AFF2: variants seen among roughly 807,000 people sequenced by gnomAD.
AFF2 encodes the protein ALF transcription elongation factor 2, also known as AF4/FMR2 family member 2.
In AFF2, 14 loss-of-function variants were observed where a neutral mutation model predicts 76.9. That is an observed-to-expected ratio of 0.18 (90% CI 0.12 to 0.28). AFF2 has a LOEUF of 0.28. AFF2 is among the 10% of genes least tolerant of loss of function. AFF2 has a pLI of 1.00. For synonymous variants in AFF2, 398 were observed against 366.7 expected, an observed-to-expected ratio of 1.09 and a Z score of -0.98; for missense variants, 868 against 1,001.1, an observed-to-expected ratio of 0.87 and a Z score of 1.79.
At chrX:148,849,004 C>T (rs1264297523) in intron 7 of AFF2, among the ~76,000 whole-genome samples, 1 of 111,330 alleles carries the variant, frequency 9.0e-6, no homozygotes, top group Non-Finnish European at 1.9e-5. Context: ...AATGAATCAG[C>T]GTGTGGTCCT....
intron 1 of AFF2, among the ~76,000 whole-genome samples, chrX:148,578,054 T>G (rs1356891535): frequency 2.7e-5 from 3 of 112,773 alleles, no homozygotes; most frequent in African/African-American, 9.7e-5. Context: ...TATTTGGTCA[T>G]GTGTTACACT....
At chrX:148,554,855 G>A (rs1557239459) in intron 1 of AFF2, among the ~76,000 whole-genome samples, 1 of 112,411 alleles carries the variant, frequency 8.9e-6, no homozygotes, top group Non-Finnish European at 1.9e-5. Flanking sequence ...ATGGCTGGAT[G>A]GGAGAATGGA....
chrX:148,794,602 C>T (rs1429558202), intron 3 of AFF2, among the ~76,000 whole-genome samples: 1 of 111,902 alleles, frequency 8.9e-6, no homozygotes, highest in African/African-American at 3.2e-5. Flanking sequence ...ATTGTAGAGG[C>T]AACATTCTCT....
At chrX:148,985,099 T>C (rs2072447584) in intron 19 of AFF2, among the ~76,000 whole-genome samples, 1 of 109,476 alleles carries the variant, frequency 9.1e-6, no homozygotes. Flanking sequence ...ATTCTCCTGC[T>C]TCAGCCTCCC....
chrX:148,791,310 A>T (rs2069891241), intron 3 of AFF2, among the ~76,000 whole-genome samples: 1 of 112,051 alleles, frequency 8.9e-6, no homozygotes, highest in Admixed American at 9.5e-5. Context: ...CACATCTAAC[A>T]TGGTGGCAGG....
chrX:148,644,809 G>T (rs2054128340), intron 1 of AFF2, among the ~76,000 whole-genome samples: 2 of 111,564 alleles, frequency 1.8e-5, no homozygotes, highest in Non-Finnish European at 3.8e-5. Context: ...ATAAAGACCA[G>T]GAGTTATTTT....
At chrX:148,503,755 G>T (rs1557232162) in intron 1 of AFF2, among the ~76,000 whole-genome samples, 1 of 112,339 alleles carries the variant, frequency 8.9e-6, no homozygotes, top group Admixed American at 9.4e-5. Context: ...GGGTACTAAT[G>T]ATGCTGCAGT....
intron 3 of AFF2, among the ~76,000 whole-genome samples, chrX:148,722,810 C>T (rs2055109554): frequency 1.8e-5 from 2 of 111,095 alleles, no homozygotes; most frequent in Admixed American, 1.9e-4. Context: ...ATCTCAACTG[C>T]CCCAATGTGT....
intron 1 of AFF2, among the ~76,000 whole-genome samples, chrX:148,627,798 G>GA (rs199838373): frequency 0.18 from 20,401 of 110,685 alleles, 1,406 homozygotes; most frequent in Non-Finnish European, 0.2. Context: ...GCAAGTTTGA[G>GA]AAAAAAATTG....
At chrX:148,528,540 G>C (rs924092818) in intron 1 of AFF2, among the ~76,000 whole-genome samples, 1 of 111,279 alleles carries the variant, frequency 9.0e-6, no homozygotes, top group African/African-American at 3.3e-5. Context: ...TCTCTTGAAA[G>C]GCAGAGTGGA....
chrX:148,725,007 C>G (rs1557264123), intron 3 of AFF2, among the ~76,000 whole-genome samples: 1 of 110,886 alleles, frequency 9.0e-6, no homozygotes, highest in Non-Finnish European at 1.9e-5. Context: ...TTTTGTGAAG[C>G]AGGCAAGCAT....
At chrX:148,852,679 A>T (rs925247726) in intron 7 of AFF2, among the ~76,000 whole-genome samples, 1 of 111,369 alleles carries the variant, frequency 9.0e-6, no homozygotes, top group Non-Finnish European at 1.9e-5. Context: ...ACCTGGCACC[A>T]TGAAATATTT....
intron 4 of AFF2, among the ~76,000 whole-genome samples, chrX:148,813,226 C>A (rs1557271924): frequency 9.0e-6 from 1 of 111,496 alleles, no homozygotes; most frequent in East Asian, 2.8e-4. Context: ...GGTATCTGGC[C>A]TTTGTTTTCT....
intron 2 of AFF2, among the ~76,000 whole-genome samples, chrX:148,657,801 G>A (rs1002145644): frequency 3.6e-4 from 40 of 112,087 alleles, no homozygotes; most frequent in African/African-American, 1.3e-3. Flanking sequence ...GATTGAAATG[G>A]CTGAATTTCA....
At chrX:148,514,540 G>A (rs1395280743) in intron 1 of AFF2, among the ~76,000 whole-genome samples, 3 of 112,630 alleles carry the variant, frequency 2.7e-5, no homozygotes, top group African/African-American at 3.2e-5. Context: ...GGTGTTGACC[G>A]TTGGAGGCAA....
intron 1 of AFF2, among the ~76,000 whole-genome samples, chrX:148,572,455 C>G (rs781862265): frequency 8.9e-6 from 1 of 111,906 alleles, no homozygotes; most frequent in Non-Finnish European, 1.9e-5. Flanking sequence ...AAAACTTGTA[C>G]TGGAGTGTTC....
chrX:148,738,541 C>G (rs1267831944), intron 3 of AFF2, among the ~76,000 whole-genome samples: 1 of 111,479 alleles, frequency 9.0e-6, no homozygotes, highest in Non-Finnish European at 1.9e-5. Context: ...AATGGTCTAT[C>G]AAGTTTATTT....
chrX:148,563,748 A>T (rs967419852), intron 1 of AFF2, among the ~76,000 whole-genome samples: 1 of 112,183 alleles, frequency 8.9e-6, no homozygotes, highest in South Asian at 3.7e-4. Flanking sequence ...TTACTAGCAG[A>T]TTCACACATT....
intron 1 of AFF2, among the ~76,000 whole-genome samples, chrX:148,618,543 T>C (rs2053836018): frequency 9.0e-6 from 1 of 111,463 alleles, no homozygotes; most frequent in Non-Finnish European, 1.9e-5. Flanking sequence ...ATTATTATAA[T>C]TGAAGGTGAG....
Sources: allele counts gnomAD v4.1 joint callset (sites outside exome capture counted in the v4.1 genomes callset), GRCh38; gene constraint gnomAD v4.1.1; transcripts MANE v1.5; gene names NCBI Gene and HGNC (gene_info 2026-07-23, HGNC 2026-07-21).